Variants in APBA1 observed in about 807,000 individuals in gnomAD.
APBA1 encodes the protein amyloid beta precursor protein binding family A member 1.
A neutral mutation model predicts 86.6 loss-of-function variants in APBA1; 55 were observed. That is an observed-to-expected ratio of 0.64 (90% CI 0.51 to 0.80). The LOEUF is 0.80. Ranked by LOEUF, APBA1 falls within the 30% of genes least tolerant of loss-of-function variation. APBA1 has a pLI of 0.00. For synonymous variants in APBA1, 511 were observed against 493.9 expected (o/e 1.03, Z -0.46); for missense variants, 1,090 against 1,183.0 (o/e 0.92, Z 1.15).
At chr9:69,656,833 G>A (rs549615025) in intron 1 of APBA1, among the ~76,000 whole-genome samples, 75 of 143,160 alleles carry the variant, frequency 5.2e-4, no homozygotes, top group African/African-American at 1.7e-3. Flanking sequence ...AGAATAACCG[G>A]GAGATCTTTT....
At chr9:69,489,429 G>GA (rs1435748105) in intron 2 of APBA1, among the ~76,000 whole-genome samples, 1 of 152,080 alleles carries the variant, frequency 6.6e-6, no homozygotes, top group Non-Finnish European at 1.5e-5. Flanking sequence ...GCCATATGTA[G>GA]AAACCTGAAA....
At chr9:69,471,533 G>T in intron 4 of APBA1, 123 bp downstream of exon 4, 1 of 798,158 alleles carries the variant, frequency 1.3e-6, no homozygotes, top group Non-Finnish European at 2.1e-6. Flanking sequence ...TGCTAACATT[G>T]TGAATAAGTG....
chr9:69,542,187 A>G (rs1190581625), intron 1 of APBA1, among the ~76,000 whole-genome samples: 5 of 152,190 alleles, frequency 3.3e-5, no homozygotes, highest in Non-Finnish European at 5.9e-5. Flanking sequence ...CCTACCCTGC[A>G]TACACTTGCC....
intron 1 of APBA1, among the ~76,000 whole-genome samples, chr9:69,555,369 G>T (rs921917675): frequency 2.6e-5 from 4 of 152,080 alleles, no homozygotes; most frequent in Non-Finnish European, 5.9e-5. Context: ...AGTTTTGAAG[G>T]CTGGGGCTAC....
At chr9:69,658,233 T>TTTCTTTCTTTCC (rs1823656824) in intron 1 of APBA1, among the ~76,000 whole-genome samples, 1 of 15,958 alleles carries the variant, frequency 6.3e-5, no homozygotes, top group Non-Finnish European at 3.2e-4. Context: ...TCTTTCTTTC[T>TTTCTTTCTTTCC]TTCTTTCTTT....
chr9:69,581,801 G>A (rs112707739), intron 1 of APBA1, among the ~76,000 whole-genome samples: 7 of 152,260 alleles, frequency 4.6e-5, no homozygotes, highest in African/African-American at 1.2e-4. Flanking sequence ...CAGCTGCTGA[G>A]CTGAGTTTTA....
In APBA1 at chr9:69,517,184, C is replaced by T; in HGVS notation, c.27G>A (p.Glu9=). MNHLEGSA[E]VEVTDEAAGG... ...CTGCCGCCTCGTCGGTCACCTCCAC[C>T]TCCGCAGACCCCTCCAAGTGGTTCA... The change falls in exon 2 of 13, where the codon GAG becomes GAA. Residue 9 remains glutamate (E), a synonymous_variant. Coordinates refer to ENST00000265381, the MANE Select transcript of APBA1 (RefSeq NM_001163.4). 10 of 1,536,470 alleles carry T rather than the reference C, an allele frequency of 6.5e-6. No homozygotes were observed. The highest frequency in any genetic ancestry group is 8.8e-6 in the Non-Finnish European group (10 of 1,141,546).
intron 1 of APBA1, among the ~76,000 whole-genome samples, chr9:69,654,112 C>CAAAA (rs34666773): frequency 3.3e-5 from 2 of 60,380 alleles, no homozygotes; most frequent in African/African-American, 5.1e-5. Context: ...AACTCCATCT[C>CAAAA]AAAAAAAAAA....
chr9:69,450,056 GTTTTTTTT>G (rs58417611), intron 9 of APBA1, among the ~76,000 whole-genome samples: 8 of 94,154 alleles, frequency 8.5e-5, no homozygotes, highest in Admixed American at 3.7e-4. Context: ...AGGACCACCA[GTTTTTTTT>G]TTTTTTTTTT....
At chr9:69,623,159 T>C (rs1239632907) in intron 1 of APBA1, among the ~76,000 whole-genome samples, 1 of 151,994 alleles carries the variant, frequency 6.6e-6, no homozygotes, top group Non-Finnish European at 1.5e-5. Flanking sequence ...AAACCTACAT[T>C]ATCAATCTAC....
intron 2 of APBA1, among the ~76,000 whole-genome samples, chr9:69,489,158 C>T (rs1268265942): frequency 1.3e-5 from 2 of 152,114 alleles, no homozygotes; most frequent in East Asian, 3.9e-4. Flanking sequence ...ACCAGAAAAG[C>T]CCGCATTGCC....
At chr9:69,598,603 C>G (rs1822282761) in intron 1 of APBA1, among the ~76,000 whole-genome samples, 1 of 152,028 alleles carries the variant, frequency 6.6e-6, no homozygotes, top group Non-Finnish European at 1.5e-5. Flanking sequence ...CCTCTAGGTC[C>G]CTGCATCTTG....
chr9:69,609,343 C>T (rs1349541824), intron 1 of APBA1, among the ~76,000 whole-genome samples: 1 of 152,128 alleles, frequency 6.6e-6, no homozygotes, highest in Non-Finnish European at 1.5e-5. Flanking sequence ...CAACTTTGCA[C>T]AAAGGCCATA....
At chr9:69,547,150 C>T (rs1564073509) in intron 1 of APBA1, among the ~76,000 whole-genome samples, 1 of 152,092 alleles carries the variant, frequency 6.6e-6, no homozygotes, top group Admixed American at 6.5e-5. Context: ...CAGGGCAACC[C>T]CTCTTCTCTC....
chr9:69,523,149 A>G (rs1293438309), intron 1 of APBA1, among the ~76,000 whole-genome samples: 2 of 152,130 alleles, frequency 1.3e-5, no homozygotes, highest in Non-Finnish European at 2.9e-5. Context: ...GAATCCAGGT[A>G]TCTCATAATG....
At chr9:69,608,637 T>C (rs993457497) in intron 1 of APBA1, among the ~76,000 whole-genome samples, 6 of 152,204 alleles carry the variant, frequency 3.9e-5, no homozygotes, top group African/African-American at 1.4e-4. Context: ...GTAAATACTG[T>C]TGCCTTTAAG....
chr9:69,601,465 T>C (rs2133973841), intron 1 of APBA1, among the ~76,000 whole-genome samples: 1 of 152,348 alleles, frequency 6.6e-6, no homozygotes, highest in Middle Eastern at 3.4e-3. Flanking sequence ...CTTTGCTGAC[T>C]TGAAGGACCA....
intron 2 of APBA1, among the ~76,000 whole-genome samples, chr9:69,490,662 C>A (rs180746863): frequency 2.4e-4 from 37 of 151,926 alleles, no homozygotes; most frequent in African/African-American, 8.0e-4. Context: ...TCAGAGTGAA[C>A]AGGCAACCTA....
intron 1 of APBA1, among the ~76,000 whole-genome samples, chr9:69,609,376 A>C (rs1822537400): frequency 6.6e-6 from 1 of 152,232 alleles, no homozygotes; most frequent in Admixed American, 6.5e-5. Context: ...CTGCAAGGAC[A>C]TCTGCCCAGC....
Sources: allele counts gnomAD v4.1 joint callset (sites outside exome capture counted in the v4.1 genomes callset), GRCh38; gene constraint gnomAD v4.1.1; transcripts MANE v1.5; gene names NCBI Gene and HGNC (gene_info 2026-07-23, HGNC 2026-07-21).